Variants in MTCL2 observed in about 807,000 individuals in gnomAD.
The protein encoded by MTCL2 is microtubule crosslinking factor 2.
the MTCL2 span, among the ~76,000 whole-genome samples, chr20:36,840,234 G>A: frequency 2.7e-5 from 4 of 149,676 alleles, no homozygotes; most frequent in African/African-American, 7.4e-5. Context: ...GCGCTATCTC[G>A]GCTCACTGCA....
At chr20:36,786,300 G>T in the MTCL2 span, 6 of 1,292,578 alleles carry the variant, frequency 4.6e-6, no homozygotes, top group South Asian at 2.2e-5. Flanking sequence ...CCACCCAGGG[G>T]CCAGCAGGAG....
At chr20:36,831,927 C>T in the MTCL2 span, among the ~76,000 whole-genome samples, 3 of 152,222 alleles carry the variant, frequency 2.0e-5, no homozygotes, top group Non-Finnish European at 4.4e-5. Flanking sequence ...CATTAACTCA[C>T]TCATACTCAC....
the MTCL2 span, chr20:36,793,451 G>A: frequency 1.3e-6 from 2 of 1,551,122 alleles, no homozygotes; most frequent in African/African-American, 2.7e-5. The surrounding 1 kb of genome is among the most constrained non-coding windows in gnomAD (Gnocchi z 6.8). Flanking sequence ...TCCTGCTGAT[G>A]AGGTGGGGCT....
chr20:36,838,974 GAA>G, the MTCL2 span, among the ~76,000 whole-genome samples: 2,945 of 144,412 alleles, frequency 0.02, 86 homozygotes, highest in African/African-American at 0.07. Context: ...TGTCTCAAAG[GAA>G]AAAAAAAAAA....
chr20:36,800,209 C>T, the MTCL2 span, among the ~76,000 whole-genome samples: 13 of 152,222 alleles, frequency 8.5e-5, no homozygotes, highest in African/African-American at 1.2e-4. Flanking sequence ...GATGAGCTGA[C>T]AAGACACGCC....
the MTCL2 span, among the ~76,000 whole-genome samples, chr20:36,810,722 C>G: frequency 7.1e-4 from 91 of 127,632 alleles, no homozygotes; most frequent in Non-Finnish European, 1.1e-3. Context: ...CTCTCCCTCT[C>G]TCTCTCTCTC....
chr20:36,797,282 C>T, the MTCL2 span, among the ~76,000 whole-genome samples: 3 of 152,136 alleles, frequency 2.0e-5, no homozygotes, highest in Admixed American at 6.5e-5. Context: ...CCTCCTCAAC[C>T]CTACCCCCTC....
the MTCL2 span, among the ~76,000 whole-genome samples, chr20:36,833,321 G>T: frequency 2.2e-4 from 33 of 152,210 alleles, no homozygotes; most frequent in African/African-American, 7.2e-4. Flanking sequence ...CTCAAGGTAG[G>T]GGGGCTGAGA....
the MTCL2 span, among the ~76,000 whole-genome samples, chr20:36,862,242 G>C: frequency 6.6e-5 from 10 of 152,214 alleles, no homozygotes; most frequent in Non-Finnish European, 1.5e-4. Context: ...TCCTGGGCAG[G>C]GGATGGCCAC....
At chr20:36,809,861 AC>A in the MTCL2 span, 5 of 1,286,060 alleles carry the variant, frequency 3.9e-6, no homozygotes, top group African/African-American at 7.4e-5. Flanking sequence ...GGCGTGAGCC[AC>A]CACACCCAGC....
At chr20:36,806,282 G>C in the MTCL2 span, among the ~76,000 whole-genome samples, 15 of 152,102 alleles carry the variant, frequency 9.9e-5, no homozygotes, top group African/African-American at 3.6e-4. Flanking sequence ...GATAGATTCT[G>C]GGCAAGAGTC....
At chr20:36,863,007 G>GGCGGCGGTGGCGGTC in the MTCL2 span, 2 of 1,400,954 alleles carry the variant, frequency 1.4e-6, no homozygotes, top group Non-Finnish European at 1.9e-6. The surrounding 1 kb of genome is among the most constrained non-coding windows in gnomAD (Gnocchi z 6.2). Context: ...GAGGCTGGGG[G>GGCGGCGGTGGCGGTC]GCGGCGGTGG....
the MTCL2 span, chr20:36,803,035 G>C: frequency 6.2e-7 from 1 of 1,604,552 alleles, no homozygotes; most frequent in South Asian, 1.1e-5. Context: ...TGCTCCTCAC[G>C]CTCCCGCTGT....
At chr20:36,852,736 G>A in the MTCL2 span, among the ~76,000 whole-genome samples, 3 of 152,056 alleles carry the variant, frequency 2.0e-5, no homozygotes, top group Non-Finnish European at 2.9e-5. Context: ...AAGAAGCTAG[G>A]GTCCAGTTTT....
the MTCL2 span, chr20:36,777,892 G>C: frequency 1.6e-6 from 1 of 609,064 alleles, no homozygotes. Context: ...AGGTATCCCT[G>C]GGGTTGGGAG....
chr20:36,851,962 T>C, the MTCL2 span, among the ~76,000 whole-genome samples: 2 of 152,176 alleles, frequency 1.3e-5, no homozygotes, highest in Non-Finnish European at 2.9e-5. Context: ...CTAATGCCCA[T>C]GGGTGCTTCA....
chr20:36,810,367 T>G, the MTCL2 span, among the ~76,000 whole-genome samples: 1 of 152,198 alleles, frequency 6.6e-6, no homozygotes, highest in Non-Finnish European at 1.5e-5. Context: ...AATAAGGTAC[T>G]GGGAAAACTA....
the MTCL2 span, chr20:36,797,659 C>T: frequency 7.9e-7 from 1 of 1,264,228 alleles, no homozygotes; most frequent in African/African-American, 1.5e-5. Context: ...CCCCAGACTC[C>T]ACTCTGCAGC....
the MTCL2 span, chr20:36,793,615 G>A: frequency 3.9e-6 from 6 of 1,551,514 alleles, no homozygotes; most frequent in Admixed American, 2.0e-5. This position sits in a 1 kb window ranked among gnomAD's most constrained non-coding sequence, Gnocchi z 6.8. Flanking sequence ...AGAGTCCATC[G>A]TTGATGTTTC....
Sources: gnomAD v4.1 joint callset for allele counts (sites outside exome capture counted in the v4.1 genomes callset) on GRCh38, gnomAD v4.1.1 for gene constraint, Gnocchi (gnomAD v3.1) non-coding constraint, MANE v1.5 for transcripts, NCBI Gene and HGNC (gene_info 2026-07-23, HGNC 2026-07-21) for gene names.